The following TRHDE variants were observed in gnomAD, a reference collection of about 807,000 sequenced individuals.
TRHDE encodes thyrotropin-releasing hormone-degrading ectoenzyme.
A neutral mutation model predicts 125.7 loss-of-function variants in TRHDE; 72 were observed. That is an observed-to-expected ratio of 0.57 (90% CI 0.47 to 0.70). The LOEUF (loss-of-function observed/expected upper bound fraction) is 0.70. TRHDE is among the 30% of genes least tolerant of loss of function. The pLI is 0.00. For synonymous variants in TRHDE, 509 were observed against 509.1 expected (o/e 1.00, Z 0.00); for missense variants, 1,110 against 1,327.1 (o/e 0.84, Z 2.54).
At chr12:72,568,759 TAGAA>T (rs1175669726) in intron 10 of TRHDE, 103 bp downstream of exon 10, 4 of 674,430 alleles carry the variant, frequency 5.9e-6, no homozygotes, top group Admixed American at 2.7e-5. Context: ...AAAGACAAAT[TAGAA>T]AGAGAATATA....
chr12:72,214,120 A>G (rs1231254519), intron 2 of TRHDE, among the ~76,000 whole-genome samples: 1 of 152,134 alleles, frequency 6.6e-6, no homozygotes, highest in Non-Finnish European at 1.5e-5. Flanking sequence ...AGTGCCTTGG[A>G]AATGGTAAAG....
At chr12:72,265,900 G>C (rs539629475) in intron 2 of TRHDE, among the ~76,000 whole-genome samples, 8 of 151,696 alleles carry the variant, frequency 5.3e-5, no homozygotes, top group African/African-American at 1.9e-4. Context: ...TACATACAGC[G>C]ATATGACCTC....
At chr12:72,658,314 A>G (rs752475450) in intron 18 of TRHDE, among the ~76,000 whole-genome samples, 5 of 152,210 alleles carry the variant, frequency 3.3e-5, no homozygotes, top group African/African-American at 1.2e-4. Flanking sequence ...AGTACTTTTA[A>G]TTTCATGATT....
Position 72,664,522 on chromosome 12 carries a change from A to G in TRHDE, c.*1327A>G, listed in dbSNP as rs1353498822. The G allele has an allele frequency of 6.6e-6, 1 of 152,412 alleles. No individual in the cohort carries two copies. Among genetic ancestry groups the G allele is most frequent in the Non-Finnish European group, 1.5e-5 (1 of 67,990 alleles). 9.4% of individuals were successfully genotyped at this position (152,412 alleles called of 1,614,324 possible). A position where few individuals can be genotyped will look rare whatever the true frequency, so the allele number is the denominator to read the frequency against. Reference sequence around the variant, plus strand: ...CTGGGAATTTTGAATAGCCATTTTCATGGCTGTGTGTTGTGTAACACAAAT... The same window carrying G: ...CTGGGAATTTTGAATAGCCATTTTCGTGGCTGTGTGTTGTGTAACACAAAT... On this transcript the variant is annotated 3_prime_UTR_variant, in exon 19 of 19. Coordinates refer to ENST00000261180, the MANE Select transcript of TRHDE (RefSeq NM_013381.3).
At chr12:72,173,487 C>T (rs533960971) in intron 2 of TRHDE, among the ~76,000 whole-genome samples, 56 of 152,244 alleles carry the variant, frequency 3.7e-4, no homozygotes, top group African/African-American at 1.1e-3. Flanking sequence ...AAACCCAGAA[C>T]ATAGGACACT....
chr12:72,294,240 A>G (rs762300068), intron 2 of TRHDE, among the ~76,000 whole-genome samples: 1 of 152,100 alleles, frequency 6.6e-6, no homozygotes, highest in Non-Finnish European at 1.5e-5. Flanking sequence ...TCACCATTCA[A>G]TGGGTCTTGA....
intron 2 of TRHDE, among the ~76,000 whole-genome samples, chr12:72,120,880 A>G (rs958651571): frequency 6.6e-6 from 1 of 151,416 alleles, no homozygotes; most frequent in African/African-American, 2.4e-5. Flanking sequence ...GGGTTTCACC[A>G]TTTTGGCCAA....
At chr12:72,500,265 C>G (rs1435020952) in intron 6 of TRHDE, among the ~76,000 whole-genome samples, 1 of 152,102 alleles carries the variant, frequency 6.6e-6, no homozygotes, top group Non-Finnish European at 1.5e-5. Flanking sequence ...CTTAGTTGTT[C>G]TAATTTTAAC....
At chr12:72,373,436 G>T (rs1432414923) in intron 2 of TRHDE, among the ~76,000 whole-genome samples, 1 of 152,118 alleles carries the variant, frequency 6.6e-6, no homozygotes, top group Non-Finnish European at 1.5e-5. Context: ...TGTTGAATAG[G>T]AGTGGTGAGA....
intron 1 of TRHDE, among the ~76,000 whole-genome samples, chr12:72,100,603 G>A (rs1171020686): frequency 1.3e-5 from 2 of 152,158 alleles, no homozygotes; most frequent in Non-Finnish European, 2.9e-5. Flanking sequence ...TACTTCCTCT[G>A]AGGGAGAAGA....
At chr12:72,429,319 C>G (rs554485185) in intron 3 of TRHDE, among the ~76,000 whole-genome samples, 1 of 146,404 alleles carries the variant, frequency 6.8e-6, no homozygotes, top group Non-Finnish European at 1.5e-5. Flanking sequence ...GTTCTGCACA[C>G]GTAACCCAGA....
chr12:72,587,534 A>G (rs1389050727), intron 12 of TRHDE, among the ~76,000 whole-genome samples: 1 of 152,138 alleles, frequency 6.6e-6, no homozygotes, highest in African/African-American at 2.4e-5. Context: ...ACAAAGATAG[A>G]GCCATAACAC....
chr12:72,303,589 G>C (rs1868293883), intron 2 of TRHDE, among the ~76,000 whole-genome samples: 1 of 151,914 alleles, frequency 6.6e-6, no homozygotes, highest in Non-Finnish European at 1.5e-5. Flanking sequence ...CAGCTTTAAG[G>C]GTATATTAAA....
rs112071630 is a variant in TRHDE at position 72,454,195 on chromosome 12, T to A, written c.1316-15563T>A. ...GCTTGTTGATAAATTTGTTTTTTTT[T>A]AAAAAAAATATGTAATCAACTCTTT... On this transcript the variant is annotated intron_variant, in intron 3 of 18. Coordinates refer to ENST00000261180, the MANE Select transcript of TRHDE (RefSeq NM_013381.3). Among the ~76,000 whole-genome samples the A allele has an allele frequency of 6.8e-3, 1,039 of 151,958 alleles. 7 individuals carry two copies. Among genetic ancestry groups the A allele is most frequent in the African/African-American group, 0.017 (704 of 41,446 alleles).
At chr12:72,565,096 A>G (rs1460407839) in intron 9 of TRHDE, among the ~76,000 whole-genome samples, 1 of 152,172 alleles carries the variant, frequency 6.6e-6, no homozygotes, top group African/African-American at 2.4e-5. Context: ...TTATTATTAC[A>G]ATTTCATATT....
In TRHDE at chr12:72,152,151, T is replaced by C. The variant is rs1301834998; in HGVS notation, n.279+46399T>C. 5.3e-5 allele frequency among the ~76,000 whole-genome samples: 8 copies of C among 151,314 alleles called. No individual in the cohort carries two copies. In the East Asian group the frequency reaches 1.4e-3, roughly 26 times the overall value. ...GGATTCCTAGGTATTTTATTCTCTT[T>C]GAAGCAATTGTGAATGGGAGTTCAC... On this transcript the variant is annotated intron_variant and non_coding_transcript_variant, in intron 2 of 4. Coordinates refer to the TRHDE transcript ENST00000548156.
intron 5 of TRHDE, 39 bp downstream of exon 5, chr12:72,473,219 G>A: frequency 6.6e-7 from 1 of 1,504,868 alleles, no homozygotes; most frequent in Non-Finnish European, 9.2e-7. Flanking sequence ...TTAGTAAAAG[G>A]CCGATCTAGT....
chr12:72,271,908 G>A (rs777156844), upstream of TRHDE: 1 of 456,564 alleles, frequency 2.2e-6, no homozygotes. Context: ...GAGTCTCGCT[G>A]TCGGGTCTGC....
At chr12:72,452,625 A>G (rs1054467265) in intron 3 of TRHDE, among the ~76,000 whole-genome samples, 2 of 152,050 alleles carry the variant, frequency 1.3e-5, no homozygotes, top group Non-Finnish European at 2.9e-5. Context: ...CCCAAATCTC[A>G]TGTCAAAATC....
Sources: gnomAD v4.1 joint callset for allele counts (sites outside exome capture counted in the v4.1 genomes callset) on GRCh38, gnomAD v4.1.1 for gene constraint, MANE v1.5 for transcripts, NCBI Gene and HGNC (gene_info 2026-07-23, HGNC 2026-07-21) for gene names.